RASEF: variants seen among roughly 807,000 people sequenced by gnomAD.
RASEF encodes the protein RAS and EF-hand domain containing, also known as ras and EF-hand domain-containing protein.
In RASEF, 68 loss-of-function variants were observed where a neutral mutation model predicts 90.1. That is an observed-to-expected ratio of 0.75 (90% CI 0.62 to 0.92). The LOEUF (loss-of-function observed/expected upper bound fraction) is 0.92, where lower values mean the gene tolerates loss of function less well. Ranked by LOEUF, RASEF falls within the 40% of genes least tolerant of loss-of-function variation. The pLI, the probability that RASEF is intolerant of heterozygous loss-of-function variation, is 0.00. For synonymous variants in RASEF, 331 were observed against 345.2 expected, an observed-to-expected ratio of 0.96 and a Z score of 0.46; for missense variants, 949 against 937.2, an observed-to-expected ratio of 1.01 and a Z score of -0.16.
the RASEF span, among the ~76,000 whole-genome samples, chr9:83,094,510 C>G: frequency 6.6e-6 from 1 of 151,962 alleles, no homozygotes; most frequent in East Asian, 1.9e-4. Context: ...CTAGAGACTT[C>G]CTGGGAATTT....
chr9:83,074,161 G>A, the RASEF span, among the ~76,000 whole-genome samples: 4 of 152,140 alleles, frequency 2.6e-5, no homozygotes, highest in African/African-American at 9.7e-5. Flanking sequence ...CAGGTCAGAA[G>A]TGATGGTGCA....
chr9:83,013,181 C>T (rs1340243174), intron 4 of RASEF, among the ~76,000 whole-genome samples: 5 of 152,062 alleles, frequency 3.3e-5, no homozygotes, highest in Admixed American at 2.6e-4. Context: ...TAAATTGGTT[C>T]CACACATTTA....
chr9:83,109,598 A>T, the RASEF span, among the ~76,000 whole-genome samples: 2 of 152,202 alleles, frequency 1.3e-5, no homozygotes, highest in African/African-American at 2.4e-5. Flanking sequence ...TCACTGATCT[A>T]ATGCTAATTT....
the RASEF span, among the ~76,000 whole-genome samples, chr9:83,213,083 G>A: frequency 7.2e-6 from 1 of 138,364 alleles, no homozygotes; most frequent in Admixed American, 7.6e-5. Context: ...AATGCACAAT[G>A]CACACGTTTT....
intron 5 of RASEF, among the ~76,000 whole-genome samples, chr9:83,010,655 A>G (rs528809797): frequency 4.6e-4 from 70 of 152,324 alleles, no homozygotes; most frequent in African/African-American, 1.6e-3. Context: ...GCAGAGAGCC[A>G]GAGTGGATTC....
At chr9:83,141,556 A>T in the RASEF span, among the ~76,000 whole-genome samples, 1 of 152,246 alleles carries the variant, frequency 6.6e-6, no homozygotes, top group East Asian at 1.9e-4. Context: ...CTTTAAAAGC[A>T]GCTGAACTTC....
chr9:83,212,814 G>C, the RASEF span, among the ~76,000 whole-genome samples: 1 of 152,194 alleles, frequency 6.6e-6, no homozygotes, highest in Non-Finnish European at 1.5e-5. Context: ...CAGAAGTCAA[G>C]GGAGAGGCAA....
chr9:83,040,504 T>C (rs1282751012), intron 1 of RASEF, among the ~76,000 whole-genome samples: 1 of 152,204 alleles, frequency 6.6e-6, no homozygotes, highest in Non-Finnish European at 1.5e-5. Context: ...GATTTGCTTG[T>C]CATTCTAAAA....
At chr9:83,177,413 T>A in the RASEF span, among the ~76,000 whole-genome samples, 1 of 152,170 alleles carries the variant, frequency 6.6e-6, no homozygotes, top group Non-Finnish European at 1.5e-5. Flanking sequence ...TCATTTTTGT[T>A]TATCTGAGAG....
chr9:83,154,795 T>G, the RASEF span, among the ~76,000 whole-genome samples: 3 of 152,220 alleles, frequency 2.0e-5, no homozygotes, highest in Admixed American at 1.3e-4. Context: ...CTTGCCTCAT[T>G]GCATTAATAA....
chr9:83,117,187 T>C, the RASEF span, among the ~76,000 whole-genome samples: 1 of 152,178 alleles, frequency 6.6e-6, no homozygotes, highest in African/African-American at 2.4e-5. Context: ...CAATTAGATT[T>C]TCCCAGACTG....
chr9:83,157,410 G>A, the RASEF span, among the ~76,000 whole-genome samples: 2 of 152,050 alleles, frequency 1.3e-5, no homozygotes, highest in Non-Finnish European at 2.9e-5. Flanking sequence ...GTTACTGTAG[G>A]GATGACTTTA....
At chr9:83,140,360 C>A in the RASEF span, among the ~76,000 whole-genome samples, 1 of 152,156 alleles carries the variant, frequency 6.6e-6, no homozygotes, top group Admixed American at 6.6e-5. Context: ...ACCTCTAATG[C>A]TGATTCAAAG....
Position 83,026,971 on chromosome 9 carries a change from G to A in RASEF, c.432-1050C>T, listed in dbSNP as rs144487928. Reference sequence around the variant, plus strand: ...CCAGTCACAAGTTCCAGGTTGCCACGTACACTTCTGACCAATCACCTATAA... The same window carrying A: ...CCAGTCACAAGTTCCAGGTTGCCACATACACTTCTGACCAATCACCTATAA... On this transcript the variant is annotated intron_variant, in intron 1 of 16. Transcript: ENST00000376447. Among the ~76,000 whole-genome samples, 118 of 152,206 alleles carry A rather than the reference G, an allele frequency of 7.8e-4. 1 individual carries two copies. Among genetic ancestry groups the A allele is most frequent in the African/African-American group, 2.5e-3 (104 of 41,496 alleles).
the RASEF span, among the ~76,000 whole-genome samples, chr9:83,105,095 G>A: frequency 6.6e-6 from 1 of 152,146 alleles, no homozygotes; most frequent in Admixed American, 6.5e-5. Context: ...GGAAAATGAG[G>A]TTTAGGAGTT....
chr9:83,215,886 G>T, the RASEF span, among the ~76,000 whole-genome samples: 1 of 152,090 alleles, frequency 6.6e-6, no homozygotes, highest in Admixed American at 6.6e-5. Context: ...GAATGCTTTT[G>T]GCCAAAATGT....
chr9:82,991,957 C>T (rs796567438), intron 15 of RASEF, among the ~76,000 whole-genome samples: 11 of 152,284 alleles, frequency 7.2e-5, no homozygotes, highest in African/African-American at 2.6e-4. Context: ...GCTCTTGGCC[C>T]AGCACACAAT....
the RASEF span, among the ~76,000 whole-genome samples, chr9:83,180,991 G>T: frequency 3.5e-4 from 53 of 151,628 alleles, no homozygotes; most frequent in Non-Finnish European, 7.4e-4. Flanking sequence ...TGATATTTTG[G>T]CCAGGAGAGC....
intron 2 of RASEF, 107 bp downstream of exon 2, chr9:83,025,668 G>T: frequency 8.9e-7 from 1 of 1,129,570 alleles, no homozygotes; most frequent in Non-Finnish European, 1.3e-6. Context: ...GGCTCAGGAA[G>T]TCCACCTATA....
Sources: allele counts gnomAD v4.1 joint callset (sites outside exome capture counted in the v4.1 genomes callset), GRCh38; gene constraint gnomAD v4.1.1; transcripts MANE v1.5; gene names NCBI Gene and HGNC (gene_info 2026-07-23, HGNC 2026-07-21).